CEMIP2: variants seen among roughly 807,000 people sequenced by gnomAD.
The protein encoded by CEMIP2 is cell surface hyaluronidase CEMIP2.
CEMIP2 carries 79 observed loss-of-function variants against 146.9 expected under a neutral mutation model. That is an observed-to-expected ratio of 0.54 (90% CI 0.45 to 0.65). CEMIP2 has a LOEUF of 0.65. Ranked by LOEUF, CEMIP2 falls within the 30% of genes least tolerant of loss-of-function variation. The probability of loss-of-function intolerance (pLI) is 0.00; values close to 1 mark genes in which losing one functional copy is unlikely to be tolerated. For synonymous variants in CEMIP2, 601 were observed against 606.3 expected, an observed-to-expected ratio of 0.99 and a Z score of 0.13; for missense variants, 1,596 against 1,696.2, an observed-to-expected ratio of 0.94 and a Z score of 1.04.
At chr9:71,739,349 G>C (rs1388562771) in intron 5 of CEMIP2, among the ~76,000 whole-genome samples, 4 of 91,184 alleles carry the variant, frequency 4.4e-5, no homozygotes, top group Non-Finnish European at 8.1e-5. Flanking sequence ...GTGACAGAGT[G>C]AGACTCTGTC....
chr9:71,746,144 T>C lies in CEMIP2; in HGVS notation c.472+57A>G, dbSNP rs973303077. The C allele has an allele frequency of 5.1e-6, 8 of 1,577,134 alleles. No individual in the cohort carries two copies. In the South Asian group the frequency reaches 5.8e-5, roughly 11 times the overall value. On this transcript the variant is annotated intron_variant, in intron 3 of 23. Transcript: ENST00000377044. Reference sequence around the variant, plus strand: ...AGTCTTCTACATAAGGAACATCAAATATCCCCCACATTAAAGAGCAACCTT... The same window carrying C: ...AGTCTTCTACATAAGGAACATCAAACATCCCCCACATTAAAGAGCAACCTT...
At chr9:71,702,505 G>A (rs907257084) in intron 18 of CEMIP2, among the ~76,000 whole-genome samples, 6 of 151,920 alleles carry the variant, frequency 3.9e-5, no homozygotes, top group African/African-American at 1.5e-4. Flanking sequence ...AGAAAGAGGG[G>A]AATGTACTAT....
intron 21 of CEMIP2, among the ~76,000 whole-genome samples, chr9:71,692,336 A>ATCTC (rs151025508): frequency 1.8e-4 from 8 of 44,278 alleles, no homozygotes; most frequent in African/African-American, 4.8e-4. Flanking sequence ...CGCTCTCCCC[A>ATCTC]TCTCTCTCTC....
At position 71,715,015 on chromosome 9, in the gene CEMIP2, T is replaced by G; in HGVS notation, c.2510A>C (p.Asn837Thr). Reference sequence around the variant, plus strand: ...GTTCTGACCACCCTGAAAGCCGTAATTCCTGCTCTCCCCAACAAAGAGAGA... The same window carrying G: ...GTTCTGACCACCCTGAAAGCCGTAAGTCCTGCTCTCCCCAACAAAGAGAGA... ...SESLFVGESR[N>T]YGFQGGQNKY... Residue 837 changes from asparagine (N) to threonine (T), a missense_variant, in exon 15 of 24, where the codon AAT becomes ACT. Physicochemically the swap from Asn to Thr is moderately conservative, Grantham distance 65 (BLOSUM62 0). Transcript: ENST00000377044. The G allele has an allele frequency of 6.2e-7, 1 of 1,614,022 alleles. No individual in the cohort carries two copies. The highest frequency in any genetic ancestry group is 8.5e-7 in the Non-Finnish European group (1 of 1,179,954).
At chr9:71,688,832 A>G (rs1464841119) in intron 22 of CEMIP2, among the ~76,000 whole-genome samples, 5 of 152,186 alleles carry the variant, frequency 3.3e-5, no homozygotes, top group Non-Finnish European at 7.4e-5. Flanking sequence ...CCCTATACAC[A>G]TAGACACGTG....
intron 7 of CEMIP2, among the ~76,000 whole-genome samples, chr9:71,732,054 C>G (rs62547032): frequency 0.07 from 10,668 of 151,944 alleles, 533 homozygotes; most frequent in South Asian, 0.19. Flanking sequence ...CAACCAAGAG[C>G]CTTCAGTTTT....
Position 71,685,742 on chromosome 9 carries a change from C to A in CEMIP2, c.3955+1G>T, listed in dbSNP as rs772071266. 3.7e-6 allele frequency: 6 copies of A among 1,611,318 alleles called. No individual in the cohort carries two copies. Among genetic ancestry groups the A allele is most frequent in the Non-Finnish European group, 5.1e-6 (6 of 1,177,632 alleles). On this transcript the variant is annotated splice_donor_variant, in intron 23 of 23. Coordinates refer to ENST00000377044, the MANE Select transcript of CEMIP2 (RefSeq NM_013390.3). LOFTEE classifies it high-confidence loss of function. ...CTTCATGAAATAATACAAATACAAACCTTTGTCATAAAGATGAGCTGGTTT... is the reference window on the plus strand; with the variant it reads ...CTTCATGAAATAATACAAATACAAAACTTTGTCATAAAGATGAGCTGGTTT...
chr9:71,699,393 C>T lies in CEMIP2; in HGVS notation c.3378-1189G>A, dbSNP rs1312729964. The T allele has an allele frequency of 6.7e-6, 3 of 449,674 alleles. No individual in the cohort carries two copies. In the Admixed American group the frequency reaches 7.2e-5, roughly 11 times the overall value. 27.9% of individuals were successfully genotyped at this position (449,674 alleles called of 1,614,324 possible). ...CCCAGGAGATCAAGGCTGTAGTGTA[C>T]CACAACTATGCCTGTGAACTGCACT... On this transcript the variant is annotated intron_variant, in intron 19 of 23. Coordinates refer to ENST00000377044, the MANE Select transcript of CEMIP2 (RefSeq NM_013390.3).
At chr9:71,705,315 T>C (rs1317717397) in intron 17 of CEMIP2, among the ~76,000 whole-genome samples, 1 of 150,874 alleles carries the variant, frequency 6.6e-6, no homozygotes, top group Non-Finnish European at 1.5e-5. Flanking sequence ...AGTTATAAAG[T>C]ACTGTGCAAC....
At chr9:71,739,679 A>G (rs1038877741) in intron 5 of CEMIP2, among the ~76,000 whole-genome samples, 1 of 152,046 alleles carries the variant, frequency 6.6e-6, no homozygotes, top group Non-Finnish European at 1.5e-5. Context: ...AGCTTGTCCA[A>G]CTCACAGCCC....
At chr9:71,719,515 T>TCA (rs2131931735) in intron 12 of CEMIP2, among the ~76,000 whole-genome samples, 1 of 152,284 alleles carries the variant, frequency 6.6e-6, no homozygotes, top group African/African-American at 2.4e-5. Context: ...TTTTAAGAGA[T>TCA]CACTGATTGC....
chr9:71,730,640 A>C, intron 8 of CEMIP2, 65 bp downstream of exon 8: 2 of 1,505,580 alleles, frequency 1.3e-6, no homozygotes, highest in Non-Finnish European at 1.8e-6. Context: ...AATTGAGAAG[A>C]CATGAGAATT....
At chr9:71,725,492 C>G in intron 11 of CEMIP2, 89 bp downstream of exon 11, 2 of 1,368,142 alleles carry the variant, frequency 1.5e-6, no homozygotes, top group Non-Finnish European at 2.0e-6. Context: ...TCTACTACAG[C>G]AGCACAAAGT....
At position 71,730,830 on chromosome 9, in the gene CEMIP2, G is replaced by T; in HGVS notation, c.1648C>A (p.His550Asn). ...TCCACGTCACCACACAGGTGAAAAT[G>T]AACAGGGTATCGCCCCATCTGCTGC... ...GQQQMGRYPV[H>N]FHLCGDVDYK... Residue 550 changes from histidine (H) to asparagine (N), a missense_variant, in exon 8 of 24, where the codon CAT becomes AAT. His to Asn is a moderately conservative substitution (Grantham distance 68, BLOSUM62 1). Transcript: ENST00000377044. 6.2e-7 allele frequency: 1 copy of T among 1,614,118 alleles called. No individual in the cohort carries two copies. The highest frequency in any genetic ancestry group is 8.5e-7 in the Non-Finnish European group (1 of 1,180,014).
chr9:71,687,462 C>CTCTGTGTGTG (rs148162501), intron 22 of CEMIP2: 47 of 141,434 alleles, frequency 3.3e-4, no homozygotes, highest in African/African-American at 1.1e-3. Flanking sequence ...TATTTATTTT[C>CTCTGTGTGTG]TGTGTGTGTG....
chr9:71,728,280 T>TATATAC lies in CEMIP2; in HGVS notation c.2049+1564_2049+1565insGTATAT, dbSNP rs1491467360. ...ATACACGTATATATATATATATATA[T>TATATAC]GTATATATATATATATATATACATA... is the stretch of plus-strand genomic sequence containing the variant. On this transcript the variant is annotated intron_variant, in intron 10 of 23. Transcript: ENST00000377044. Among the ~76,000 whole-genome samples the TATATAC allele has an allele frequency of 5.1e-3, 64 of 12,650 alleles. 8 individuals carry two copies. Among genetic ancestry groups the TATATAC allele is most frequent in the East Asian group, 0.023 (5 of 222 alleles). The allele number at this position is 12,650 out of a possible 152,430, so 8.3% of individuals were successfully genotyped here.
At chr9:71,685,417 A>AAAAAAAAAAAAC in intron 23 of CEMIP2, 24 bp from the exon 24 acceptor site, 1 of 1,466,062 alleles carries the variant, frequency 6.8e-7, no homozygotes, top group Non-Finnish European at 9.0e-7. Flanking sequence ...AAAAAAAGAA[A>AAAAAAAAAAAAC]AAGAAAAAAA....
In CEMIP2 at chr9:71,700,840, AT is replaced by A. The variant is rs763976277; in HGVS notation, c.3195-17del. On this transcript the variant is annotated splice_polypyrimidine_tract_variant and intron_variant, in intron 18 of 23. Transcript: ENST00000377044. ...CCAGTCATTCCTTTAAAGGAGAAAC[AT>A]AAAAAAATTAGTTTACACTTCAGCC... The A allele has an allele frequency of 3.1e-6, 5 of 1,593,762 alleles. No individual in the cohort carries two copies. Among genetic ancestry groups the A allele is most frequent in the Non-Finnish European group, 2.6e-6 (3 of 1,172,624 alleles).
At chr9:71,709,606 T>C in intron 16 of CEMIP2, 132 bp from the exon 17 acceptor site, 2 of 715,922 alleles carry the variant, frequency 2.8e-6, no homozygotes, top group Non-Finnish European at 4.7e-6. Flanking sequence ...CAGTTCATAG[T>C]TGTCAGCTAT....
Sources: allele counts gnomAD v4.1 joint callset (sites outside exome capture counted in the v4.1 genomes callset), GRCh38; gene constraint gnomAD v4.1.1; transcripts MANE v1.5; gene names NCBI Gene and HGNC (gene_info 2026-07-23, HGNC 2026-07-21).